The following MAPK7 variants were observed in gnomAD, a reference collection of about 807,000 sequenced individuals.
MAPK7 encodes the protein BMK-1.
In MAPK7, 30 loss-of-function variants were observed where a neutral mutation model predicts 56.9. That is an observed-to-expected ratio of 0.53 (90% CI 0.39 to 0.72). The LOEUF is 0.72. MAPK7 is among the 30% of genes least tolerant of loss of function. MAPK7 has a pLI of 0.00. For missense variants in MAPK7, 952 were observed against 1,110.8 expected, an observed-to-expected ratio of 0.86 and a Z score of 2.03; for synonymous variants, 516 against 449.3, an observed-to-expected ratio of 1.15 and a Z score of -1.88.
upstream of MAPK7, chr17:19,378,229 C>A (rs1452752127): frequency 3.0e-6 from 3 of 985,758 alleles, no homozygotes; most frequent in Non-Finnish European, 3.6e-6. The surrounding 1 kb of genome is among the most constrained non-coding windows in gnomAD (Gnocchi z 5.4). Context: ...GCGTTGCCTT[C>A]CATTCACTTG....
At position 19,380,489 on chromosome 17, in the gene MAPK7, A is replaced by G. The variant is rs148989290; in HGVS notation, c.399-119A>G. ...CTTCCATACCATGCCGTCAGCCCCT[A>G]TGGGGTCCCAGGGTAAGGCTGTTAC... On this transcript the variant is annotated intron_variant, in intron 3 of 6. Coordinates refer to ENST00000395604, the MANE Select transcript of MAPK7 (RefSeq NM_002749.4). The G allele has an allele frequency of 7.6e-4, 1,125 of 1,474,382 alleles. 18 individuals carry two copies. The East Asian group carries it at 0.024, about 32-fold the overall frequency. The allele number at this position is 1,474,382 out of a possible 1,614,324, so 91.3% of individuals were successfully genotyped here. A position where few individuals can be genotyped will look rare whatever the true frequency, so the allele number is the denominator to read the frequency against.
rs1433909436 is a variant in MAPK7, at chr17:19,381,103, C to G, written c.894C>G (p.Ile298Met). 9 of 1,613,984 alleles carry G rather than the reference C, an allele frequency of 5.6e-6. No individual in the cohort carries two copies. Among genetic ancestry groups the G allele is most frequent in the Non-Finnish European group, 6.8e-6 (8 of 1,179,986 alleles). The change falls in exon 4 of 7, where the codon ATC becomes ATG. Residue 298 changes from isoleucine to methionine, a missense_variant. Transcript: ENST00000395604. This position sits in a 1 kb window ranked among gnomAD's most constrained non-coding sequence, Gnocchi z 4.6. ...AVGAERVRAY[I>M]QSLPPRQPVP... Reference sequence around the variant, plus strand: ...GGGCTGAGAGGGTGCGGGCCTATATCCAGAGCTTGCCACCACGCCAGCCTG... The same window carrying G: ...GGGCTGAGAGGGTGCGGGCCTATATGCAGAGCTTGCCACCACGCCAGCCTG...
At chr17:19,378,449 G>C, upstream of MAPK7, 1 of 1,015,662 alleles carries the variant, frequency 9.8e-7, no homozygotes, top group Non-Finnish European at 1.2e-6. This position sits in a 1 kb window ranked among gnomAD's most constrained non-coding sequence, Gnocchi z 5.4. Context: ...CGATTGGCCA[G>C]GAGCTGGAGG....
chr17:19,381,541 T>C lies in MAPK7; in HGVS notation c.1332T>C (p.Pro444=). ...CAGCCCCGCCACCATGCCCCGGCCC[T>C]GCACCTGACACCATTGATCTGACCC... ...PPPAPPPCPG[P]APDTIDLTLQ... is the part of the protein sequence containing the mutation. The change falls in exon 4 of 7, where the codon CCT becomes CCC. Residue 444 remains proline, a synonymous_variant. Coordinates refer to ENST00000395604, the MANE Select transcript of MAPK7 (RefSeq NM_002749.4). The surrounding 1 kb of genome is among the most constrained non-coding windows in gnomAD (Gnocchi z 4.6). 1 of 1,613,666 alleles carries C rather than the reference T, an allele frequency of 6.2e-7. No homozygotes were observed. The highest frequency in any genetic ancestry group is 2.2e-5 in the East Asian group (1 of 44,862).
At position 19,378,706 on chromosome 17, in the gene MAPK7, C is replaced by G; in HGVS notation, c.-6+76C>G. ...TGGCCCGCGCCTCGCCTACCCCTCC[C>G]CCGACCCTGGCGGGCCCCCGGCTCT... On this transcript the variant is annotated intron_variant, in intron 1 of 6. Transcript: ENST00000395604. This position sits in a 1 kb window ranked among gnomAD's most constrained non-coding sequence, Gnocchi z 5.4. 7.1e-7 allele frequency: 1 copy of G among 1,406,780 alleles called. No individual in the cohort carries two copies. The highest frequency in any genetic ancestry group is 9.3e-7 in the Non-Finnish European group (1 of 1,078,764). 87.1% of individuals were successfully genotyped at this position (1,406,780 alleles called of 1,614,324 possible).
chr17:19,382,991 G>C (rs1905277611), intron 6 of MAPK7, 45 bp downstream of exon 6: 1 of 1,613,294 alleles, frequency 6.2e-7, no homozygotes, highest in Admixed American at 1.7e-5. Context: ...TGTGGGGAGA[G>C]GTTCCTGGTG....
rs1275161672 is a variant in MAPK7 at position 19,381,123 on chromosome 17, A to C, written c.914A>C (p.Gln305Pro). Residue 305 changes from glutamine to proline, a missense_variant, in exon 4 of 7, where the codon CAG becomes CCG. Physicochemically the swap from Gln to Pro is moderately conservative, Grantham distance 76. This residue lies in a region of MAPK7 where 429 missense variants were observed against 533.0 expected (regional missense o/e 0.80). Coordinates refer to ENST00000395604, the MANE Select transcript of MAPK7 (RefSeq NM_002749.4). This position sits in a 1 kb window ranked among gnomAD's most constrained non-coding sequence, Gnocchi z 4.6. ...RAYIQSLPPR[Q>P]PVPWETVYPG... ...TATATCCAGAGCTTGCCACCACGCC[A>C]GCCTGTGCCCTGGGAGACAGTGTAC... The C allele has an allele frequency of 1.2e-6, 2 of 1,613,976 alleles. No homozygotes were observed. Among genetic ancestry groups the C allele is most frequent in the Non-Finnish European group, 1.7e-6 (2 of 1,179,978 alleles).
Position 19,378,560 on chromosome 17 carries a change from G to T in MAPK7, c.-76G>T. 8.4e-7 allele frequency: 1 copy of T among 1,194,600 alleles called. No homozygotes were observed. Among genetic ancestry groups the T allele is most frequent in the Non-Finnish European group, 1.0e-6 (1 of 957,614 alleles). 74.0% of individuals were successfully genotyped at this position (1,194,600 alleles called of 1,614,324 possible). A position where few individuals can be genotyped will look rare whatever the true frequency, so the allele number is the denominator to read the frequency against. On this transcript the variant is annotated 5_prime_UTR_variant, in exon 1 of 7. Coordinates refer to ENST00000395604, the MANE Select transcript of MAPK7 (RefSeq NM_002749.4). This position sits in a 1 kb window ranked among gnomAD's most constrained non-coding sequence, Gnocchi z 5.4. ...TTGAACAAGTAAGTGAGCCACCCTC[G>T]GAGACCCCCGCGCTGGGGACGGGAG... is the stretch of plus-strand genomic sequence containing the variant.
Position 19,381,586 on chromosome 17 carries a change from C to T in MAPK7, c.1377C>T (p.Val459=), listed in dbSNP as rs137998051. 3.8e-4 allele frequency: 607 copies of T among 1,613,824 alleles called. No individual in the cohort carries two copies. Among genetic ancestry groups the T allele is most frequent in the Non-Finnish European group, 4.9e-4 (584 of 1,180,036 alleles). Residue 459 remains valine (V), a synonymous_variant, in exon 4 of 7, where the codon GTC becomes GTT. Transcript: ENST00000395604. This position sits in a 1 kb window ranked among gnomAD's most constrained non-coding sequence, Gnocchi z 4.6. ...IDLTLQPPPP[V]SEPAPPKKDG... is the part of the protein sequence containing the mutation. Reference sequence around the variant, plus strand: ...TGACCCTGCAGCCACCTCCACCAGTCAGTGAGCCTGCCCCACCAAAGAAAG... The same window carrying T: ...TGACCCTGCAGCCACCTCCACCAGTTAGTGAGCCTGCCCCACCAAAGAAAG...
rs1383137901 is a variant in MAPK7, at chr17:19,379,112, C to T, written c.212C>T (p.Ser71Phe). Residue 71 changes from serine (S) to phenylalanine (F), a missense_variant, in exon 2 of 7, where the codon TCC becomes TTC. Around this residue, in one of 5 missense-constraint regions of MAPK7, gnomAD observed 213 missense variants for 243.2 expected, o/e 0.88. Transcript: ENST00000395604. ...AACGGGGCCTATGGAGTGGTGTCCT[C>T]CGCCCGCCGCCGCCTCACCGGTGAG... The part of the protein sequence containing the change: ...IGNGAYGVVS[S>F]ARRRLTGQQV... 1.7e-5 allele frequency: 27 copies of T among 1,611,236 alleles called. No individual in the cohort carries two copies. The highest frequency in any genetic ancestry group is 2.3e-5 in the Non-Finnish European group (27 of 1,179,576).
rs2233081 is a variant in MAPK7 at position 19,382,478 on chromosome 17, G to C, written c.2163+12G>C. ...TATCTAAGTCACAGGTGAGAGGGAGGCCCAGGCCATGGGGACACCTGGGTC... is the reference window on the plus strand; with the variant it reads ...TATCTAAGTCACAGGTGAGAGGGAGCCCCAGGCCATGGGGACACCTGGGTC... On this transcript the variant is annotated intron_variant, in intron 5 of 6. Coordinates refer to ENST00000395604, the MANE Select transcript of MAPK7 (RefSeq NM_002749.4). 719 of 1,569,440 alleles carry C rather than the reference G, an allele frequency of 4.6e-4. 3 individuals carry two copies. The African/African-American group carries it at 9.2e-3, about 20-fold the overall frequency.
At chr17:19,380,353 T>G in intron 3 of MAPK7, 5 of 909,478 alleles carry the variant, frequency 5.5e-6, no homozygotes, top group Non-Finnish European at 7.7e-6. Context: ...TGGCCAGCCC[T>G]GGTGTAGTCC....
Position 19,379,918 on chromosome 17 carries a change from C to G in MAPK7, c.369C>G (p.Pro123=). 1 of 1,614,140 alleles carries G rather than the reference C, an allele frequency of 6.2e-7. No individual in the cohort carries two copies. Among genetic ancestry groups the G allele is most frequent in the Non-Finnish European group, 8.5e-7 (1 of 1,180,008 alleles). The change falls in exon 3 of 7, where the codon CCC becomes CCG. Residue 123 remains proline, a synonymous_variant. Transcript: ENST00000395604. ...NIIAIKDILR[P]TVPYGEFKSV... ...TCGCCATCAAGGACATCCTGAGGCC[C>G]ACCGTGCCCTATGGCGAATTCAAAT...
At chr17:19,382,760 G>A in intron 5 of MAPK7, 53 bp from the exon 6 acceptor site, 1 of 1,598,580 alleles carries the variant, frequency 6.3e-7, no homozygotes, top group South Asian at 1.1e-5. Flanking sequence ...CATTGGGACA[G>A]GGTGGCCTAC....
Position 19,381,920 on chromosome 17 carries a change from G to A in MAPK7, c.1617G>A (p.Glu539=), listed in dbSNP as rs771991746. 22 of 1,553,552 alleles carry A rather than the reference G, an allele frequency of 1.4e-5. No individual in the cohort carries two copies. The highest frequency in any genetic ancestry group is 3.3e-4 in the Middle Eastern group (2 of 5,998). Residue 539 remains glutamate, a synonymous_variant, in exon 5 of 7, where the codon GAG becomes GAA. Transcript: ENST00000395604. The surrounding 1 kb of genome is among the most constrained non-coding windows in gnomAD (Gnocchi z 4.6). ...KEREKRRQER[E]RKERGAGASG... ...GGGAGAAACGGCGGCAGGAGCGGGAGCGAAAGGAACGGGGGGCTGGGGCCT... is the reference window on the plus strand; with the variant it reads ...GGGAGAAACGGCGGCAGGAGCGGGAACGAAAGGAACGGGGGGCTGGGGCCT...
rs1042293921 is a variant in MAPK7 at position 19,382,289 on chromosome 17, C to T, written c.1986C>T (p.Ser662=). Residue 662 remains serine (S), a synonymous_variant, in exon 5 of 7, where the codon AGC becomes AGT. Transcript: ENST00000395604. ...CACCCCAGATTGCCACCTCCACCAG[C>T]CTCCTGGCTGCCCAGTCACTTGTGC... is the stretch of plus-strand genomic sequence containing the variant. ...PAPPQIATST[S]LLAAQSLVPP... 1.2e-6 allele frequency: 2 copies of T among 1,613,010 alleles called. No homozygotes were observed. The highest frequency in any genetic ancestry group is 2.2e-5 in the South Asian group (2 of 91,068).
At chr17:19,377,830 G>A (rs951322599), upstream of MAPK7, 11 of 985,172 alleles carry the variant, frequency 1.1e-5, no homozygotes, top group African/African-American at 1.9e-4. Context: ...GGGAATCGCG[G>A]GACAGACAAA....
At chr17:19,380,566 G>A (rs1912561712) in intron 3 of MAPK7, 42 bp from the exon 4 acceptor site, 1 of 1,553,692 alleles carries the variant, frequency 6.4e-7, no homozygotes, top group East Asian at 2.3e-5. Context: ...CCTGGAGTGT[G>A]ATCAGGCCAA....
chr17:19,379,283 G>C, intron 2 of MAPK7, 151 bp downstream of exon 2: 1 of 696,962 alleles, frequency 1.4e-6, no homozygotes, highest in South Asian at 1.9e-5. Flanking sequence ...GCCAGGCTCC[G>C]GGGAGGCTCG....
Sources: allele counts gnomAD v4.1 joint callset, GRCh38; gene constraint gnomAD v4.1.1; regional missense constraint gnomAD v4.1.1; non-coding constraint Gnocchi (gnomAD v3.1); transcripts MANE v1.5; gene names NCBI Gene and HGNC (gene_info 2026-07-23, HGNC 2026-07-21).